ZCCHC17: variants seen among roughly 807,000 people sequenced by gnomAD.
The protein encoded by ZCCHC17 is zinc finger CCHC-type containing 17, also known as zinc finger CCHC domain-containing protein 17.
In ZCCHC17, 18 loss-of-function variants were observed where a neutral mutation model predicts 30.6. That is an observed-to-expected ratio of 0.59 (90% CI 0.41 to 0.87). ZCCHC17 has a LOEUF of 0.87. Ranked by LOEUF, ZCCHC17 falls within the 40% of genes least tolerant of loss-of-function variation. ZCCHC17 has a pLI of 0.00. For synonymous variants in ZCCHC17, 88 were observed against 92.4 expected (o/e 0.95, Z 0.27); for missense variants, 263 against 284.2 (o/e 0.93, Z 0.54).
At chr1:31,300,762 C>G (rs1646291384) in intron 1 of ZCCHC17, among the ~76,000 whole-genome samples, 1 of 151,650 alleles carries the variant, frequency 6.6e-6, no homozygotes, top group African/African-American at 2.4e-5. Context: ...ATGGTGAAAC[C>G]CTGTCTCTAC....
intron 7 of ZCCHC17, among the ~76,000 whole-genome samples, chr1:31,349,445 C>G (rs1422868748): frequency 1.3e-5 from 2 of 152,110 alleles, no homozygotes; most frequent in African/African-American, 2.4e-5. Context: ...ATTCTCATGC[C>G]TCAGCCAACT....
At chr1:31,332,011 A>G (rs1385694392) in intron 3 of ZCCHC17, among the ~76,000 whole-genome samples, 1 of 152,200 alleles carries the variant, frequency 6.6e-6, no homozygotes, top group Non-Finnish European at 1.5e-5. Flanking sequence ...TTCCATGTGG[A>G]AGCAATTTCT....
chr1:31,359,331 T>A (rs1424954379), intron 7 of ZCCHC17, among the ~76,000 whole-genome samples: 1 of 151,712 alleles, frequency 6.6e-6, no homozygotes, highest in East Asian at 2.0e-4. Context: ...GCCTGGCTAA[T>A]ATGGTGAAAC....
intron 1 of ZCCHC17, among the ~76,000 whole-genome samples, chr1:31,299,356 A>T (rs1646250186): frequency 6.6e-6 from 1 of 152,236 alleles, no homozygotes; most frequent in African/African-American, 2.4e-5. Context: ...CAGCATATCC[A>T]GCGGTTTAGT....
chr1:31,362,786 G>T (rs1322870825), intron 7 of ZCCHC17, among the ~76,000 whole-genome samples: 1 of 152,104 alleles, frequency 6.6e-6, no homozygotes, highest in African/African-American at 2.4e-5. Flanking sequence ...AGACTGGCTA[G>T]TCTTTAGGGG....
At chr1:31,313,679 A>G (rs773930106) in intron 2 of ZCCHC17, among the ~76,000 whole-genome samples, 16 of 152,134 alleles carry the variant, frequency 1.1e-4, no homozygotes, top group Non-Finnish European at 1.9e-4. Flanking sequence ...TTAGTAAGGT[A>G]CCGGAGCTCA....
intron 7 of ZCCHC17, among the ~76,000 whole-genome samples, chr1:31,356,104 T>C (rs1432594341): frequency 2.6e-5 from 4 of 152,322 alleles, no homozygotes; most frequent in Non-Finnish European, 4.4e-5. Flanking sequence ...TCATGTAAGT[T>C]CAGTTAATGC....
intron 2 of ZCCHC17, 103 bp from the exon 3 acceptor site, chr1:31,319,006 G>C: frequency 7.4e-7 from 1 of 1,349,494 alleles, no homozygotes; most frequent in Non-Finnish European, 1.0e-6. Flanking sequence ...ATAGCATACA[G>C]AGGCAGTCAA....
rs1196920105 is a variant in ZCCHC17 at position 31,317,024 on chromosome 1, C to CTTTTT, written c.67-2071_67-2067dup. 7.9e-5 allele frequency among the ~76,000 whole-genome samples: 10 copies of CTTTTT among 126,554 alleles called. No homozygotes were observed. In the East Asian group the frequency reaches 1.8e-3, roughly 23 times the overall value. The allele number at this position is 126,554 out of a possible 152,430, so 83.0% of individuals were successfully genotyped here. ...CGAGGTTCTATCCCTAACTTTTTTTCTTTTTTTTTTTTTTTTTTGAGATGA... is the reference window on the plus strand; with the variant it reads ...CGAGGTTCTATCCCTAACTTTTTTTCTTTTTTTTTTTTTTTTTTTTTTTGAGATGA... On this transcript the variant is annotated intron_variant, in intron 2 of 7. Transcript: ENST00000344147.
At position 31,341,728 on chromosome 1, in the gene ZCCHC17, A is replaced by G. The variant is rs551065807; in HGVS notation, c.317+2680A>G. Among the ~76,000 whole-genome samples, 15 of 152,332 alleles carry G rather than the reference A, an allele frequency of 9.8e-5. No homozygotes were observed. The South Asian group carries it at 1.2e-3, about 13-fold the overall frequency. ...TGAGCAGATTAATTAGTCTATCTGA[A>G]TCTTAGCTTCTTTACTATAAAAGGA... On this transcript the variant is annotated intron_variant, in intron 5 of 7. Coordinates refer to ENST00000344147, the MANE Select transcript of ZCCHC17 (RefSeq NM_016505.4).
At chr1:31,356,157 A>G (rs565809690) in intron 7 of ZCCHC17, among the ~76,000 whole-genome samples, 48 of 152,358 alleles carry the variant, frequency 3.2e-4, no homozygotes, top group Non-Finnish European at 5.9e-4. Context: ...TAAAGATCAT[A>G]TGGTACCTAC....
chr1:31,310,444 T>C (rs947097530), intron 2 of ZCCHC17, among the ~76,000 whole-genome samples: 2 of 152,270 alleles, frequency 1.3e-5, no homozygotes, highest in Non-Finnish European at 2.9e-5. Flanking sequence ...CTAAAAAGCA[T>C]GTTTTGGAAA....
chr1:31,345,471 T>C (rs1639211911), intron 5 of ZCCHC17, among the ~76,000 whole-genome samples: 3 of 107,310 alleles, frequency 2.8e-5, no homozygotes, highest in Non-Finnish European at 5.8e-5. Flanking sequence ...GTTCTGTTTT[T>C]TGATCTGAGT....
At chr1:31,357,573 G>A (rs188653332) in intron 7 of ZCCHC17, among the ~76,000 whole-genome samples, 29 of 152,284 alleles carry the variant, frequency 1.9e-4, no homozygotes, top group Admixed American at 1.5e-3. Flanking sequence ...AGATTCTAAT[G>A]GATGGGGTCG....
chr1:31,342,555 G>C (rs1445057705), intron 5 of ZCCHC17, among the ~76,000 whole-genome samples: 1 of 152,118 alleles, frequency 6.6e-6, no homozygotes, highest in Non-Finnish European at 1.5e-5. Context: ...ATTCTCATAG[G>C]GGGTGCGCAA....
chr1:31,302,308 T>C (rs968470549), intron 1 of ZCCHC17, among the ~76,000 whole-genome samples: 8 of 151,674 alleles, frequency 5.3e-5, no homozygotes, highest in African/African-American at 1.9e-4. Context: ...TTCTTCTATA[T>C]CCTTTAGACC....
intron 5 of ZCCHC17, among the ~76,000 whole-genome samples, chr1:31,340,057 A>G (rs1429789653): frequency 2.1e-5 from 3 of 145,378 alleles, no homozygotes; most frequent in Non-Finnish European, 3.0e-5. Flanking sequence ...CCCAAGCCCA[A>G]GCTATCCTCC....
intron 7 of ZCCHC17, among the ~76,000 whole-genome samples, chr1:31,351,361 G>A (rs933392382): frequency 4.6e-5 from 7 of 151,760 alleles, no homozygotes; most frequent in Admixed American, 2.0e-4. Flanking sequence ...ACTATTGAAC[G>A]CTGTGGCCTA....
At chr1:31,311,313 C>T (rs1165231769) in intron 2 of ZCCHC17, among the ~76,000 whole-genome samples, 1 of 152,116 alleles carries the variant, frequency 6.6e-6, no homozygotes, top group Non-Finnish European at 1.5e-5. Context: ...AGACATGGAC[C>T]TTCCACAGCT....
Sources: gnomAD v4.1 joint callset for allele counts (sites outside exome capture counted in the v4.1 genomes callset) on GRCh38, gnomAD v4.1.1 for gene constraint, MANE v1.5 for transcripts, NCBI Gene and HGNC (gene_info 2026-07-23, HGNC 2026-07-21) for gene names.